MMP2: variants seen among roughly 807,000 people sequenced by gnomAD.
The protein encoded by MMP2 is 72 kDa type IV collagenase.
Under a neutral mutation model 74.8 loss-of-function variants are expected in MMP2, and 39 were observed. The observed-to-expected ratio is 0.52, with a 90% confidence interval of 0.40 to 0.68. The LOEUF (loss-of-function observed/expected upper bound fraction) is 0.68. Ranked by LOEUF, MMP2 falls within the 30% of genes least tolerant of loss-of-function variation. MMP2 has a pLI of 0.00. For missense variants in MMP2, 803 were observed against 878.3 expected (o/e 0.91, Z 1.08); for synonymous variants, 367 against 339.8 (o/e 1.08, Z -0.88).
chr16:55,493,609 C>A (rs1962467865), intron 9 of MMP2, among the ~76,000 whole-genome samples: 1 of 152,194 alleles, frequency 6.6e-6, no homozygotes, highest in African/African-American at 2.4e-5. Flanking sequence ...GTGCAAGAGG[C>A]CAAACTGAAC....
chr16:55,483,973 A>G lies in MMP2; in HGVS notation c.381-43A>G, dbSNP rs373560200. Reference sequence around the variant, plus strand: ...CACATACTTGCATATACATACACTTATGCACATGCATACACACTCACATGC... The same window carrying G: ...CACATACTTGCATATACATACACTTGTGCACATGCATACACACTCACATGC... On this transcript the variant is annotated intron_variant, in intron 2 of 12. Coordinates refer to ENST00000219070, the MANE Select transcript of MMP2 (RefSeq NM_004530.6). 31 of 1,604,104 alleles carry G rather than the reference A, an allele frequency of 1.9e-5. No homozygotes were observed. The East Asian group carries it at 2.5e-4, about 13-fold the overall frequency.
At chr16:55,500,459 G>A (rs1567381943) in intron 11 of MMP2, among the ~76,000 whole-genome samples, 1 of 146,628 alleles carries the variant, frequency 6.8e-6, no homozygotes, top group Non-Finnish European at 1.5e-5. Flanking sequence ...CCTGTTCCTA[G>A]CATATAGGAA....
chr16:55,485,029 T>G (rs547550740), intron 3 of MMP2, among the ~76,000 whole-genome samples: 2 of 152,212 alleles, frequency 1.3e-5, no homozygotes, highest in Admixed American at 1.3e-4. Flanking sequence ...GTACATATAG[T>G]GTCATGGTGG....
At chr16:55,483,985 A>G in intron 2 of MMP2, 31 bp from the exon 3 acceptor site, 1 of 1,611,764 alleles carries the variant, frequency 6.2e-7, no homozygotes, top group Non-Finnish European at 8.5e-7. Flanking sequence ...GCACATGCAT[A>G]CACACTCACA....
chr16:55,488,380 G>A (rs1330445722), intron 5 of MMP2, 163 bp from the exon 6 acceptor site: 1 of 707,232 alleles, frequency 1.4e-6, no homozygotes, highest in African/African-American at 1.8e-5. Flanking sequence ...TTCTCTCTGG[G>A]AGCTCAGAGA....
At position 55,483,234 on chromosome 16, in the gene MMP2, C is replaced by T. The variant is rs956001948; in HGVS notation, c.380+99C>T. ...TCCACTCAGGGGATCCATGAGGTGT[C>T]TTTTGTGAAGGCTTGACATCTTAGG... On this transcript the variant is annotated intron_variant, in intron 2 of 12. Transcript: ENST00000219070. The T allele has an allele frequency of 3.2e-6, 3 of 934,526 alleles. No homozygotes were observed. In the Admixed American group the frequency reaches 7.4e-5, roughly 23 times the overall value. 57.9% of individuals were successfully genotyped at this position (934,526 alleles called of 1,614,324 possible). A position where few individuals can be genotyped will look rare whatever the true frequency, so the allele number is the denominator to read the frequency against.
At chr16:55,482,295 A>G (rs1962124327) in intron 1 of MMP2, among the ~76,000 whole-genome samples, 1 of 152,222 alleles carries the variant, frequency 6.6e-6, no homozygotes. Flanking sequence ...TTCTTTTTGC[A>G]AATGGCTGAT....
At chr16:55,492,040 C>A (rs1555492423) in intron 8 of MMP2, 84 bp downstream of exon 8, 4 of 1,350,630 alleles carry the variant, frequency 3.0e-6, no homozygotes, top group Non-Finnish European at 4.1e-6. Flanking sequence ...GGGGGTGGGA[C>A]CAGCAAGATC....
In MMP2 at chr16:55,488,688, C is replaced by A. The variant is rs757154097; in HGVS notation, c.978C>A (p.Asp326Glu). The A allele has an allele frequency of 1.2e-6, 2 of 1,610,092 alleles. No individual in the cohort carries two copies. Among genetic ancestry groups the A allele is most frequent in the Non-Finnish European group, 1.7e-6 (2 of 1,178,472 alleles). Reference sequence around the variant, plus strand: ...GCACCACTGAGGACTACGACCGCGACAAGAAGTATGGCTTCTGCCCTGAGA... The same window carrying A: ...GCACCACTGAGGACTACGACCGCGAAAAGAAGTATGGCTTCTGCCCTGAGA... ...WCGTTEDYDR[D>E]KKYGFCPETA... The change falls in exon 6 of 13, where the codon GAC becomes GAA. Residue 326 changes from aspartate to glutamate, a missense_variant. Around this residue, in one of 3 missense-constraint regions of MMP2, gnomAD observed 555 missense variants for 592.0 expected, o/e 0.94. Transcript: ENST00000219070.
At chr16:55,501,892 T>C (rs17859995) in intron 11 of MMP2, among the ~76,000 whole-genome samples, 2,882 of 152,158 alleles carry the variant, frequency 0.019, 84 homozygotes, top group African/African-American at 0.062. Context: ...GCTCCCATAG[T>C]GGGAGCTCAG....
Position 55,498,365 on chromosome 16 carries a change from C to T in MMP2, c.1686C>T (p.Pro562=), listed in dbSNP as rs1165238699. The change falls in exon 11 of 13, where the codon CCC becomes CCT. Residue 562 remains proline, a synonymous_variant. Transcript: ENST00000219070. The part of the protein sequence containing the change: ...YPKPLTSLGL[P]PDVQRVDAAF... ...AGCCACTGACCAGCCTGGGACTGCC[C>T]CCTGATGTCCAGCGAGTGGATGCCG... The T allele has an allele frequency of 6.2e-7, 1 of 1,614,210 alleles. No individual in the cohort carries two copies. Among genetic ancestry groups the T allele is most frequent in the Non-Finnish European group, 8.5e-7 (1 of 1,180,048 alleles).
Position 55,505,692 on chromosome 16 carries a change from C to T in MMP2, c.*250C>T, listed in dbSNP as rs776083935. The T allele has an allele frequency of 1.7e-4, 96 of 570,628 alleles. No homozygotes were observed. The highest frequency in any genetic ancestry group is 2.5e-4 in the Non-Finnish European group (80 of 318,076). The allele number at this position is 570,628 out of a possible 1,614,324, so 35.3% of individuals were successfully genotyped here. A position where few individuals can be genotyped will look rare whatever the true frequency, so the allele number is the denominator to read the frequency against. ...ATCCCACCAACCCTCAGAGCCACCCCTAAAGAGATACTTTGATATTTTCAA... is the reference window on the plus strand; with the variant it reads ...ATCCCACCAACCCTCAGAGCCACCCTTAAAGAGATACTTTGATATTTTCAA... On this transcript the variant is annotated 3_prime_UTR_variant, in exon 13 of 13. Transcript: ENST00000219070.
intron 10 of MMP2, 119 bp from the exon 11 acceptor site, chr16:55,498,170 G>A (rs1445724394): frequency 3.8e-6 from 5 of 1,306,740 alleles, no homozygotes; most frequent in Admixed American, 1.7e-5. Context: ...GAGTGAGCAG[G>A]AAGTTGCACT....
chr16:55,486,329 GTGTGTGTGTGTGTGTGCC>G (rs1413835047), intron 5 of MMP2, among the ~76,000 whole-genome samples: 8 of 135,450 alleles, frequency 5.9e-5, no homozygotes, highest in Admixed American at 2.2e-4. Flanking sequence ...ATGCGTGTGT[GTGTGTGTGTGTGTGTGCC>G]TGTGTGTGTG....
chr16:55,491,511 G>C (rs1356225653), intron 7 of MMP2, among the ~76,000 whole-genome samples: 2 of 152,142 alleles, frequency 1.3e-5, no homozygotes, highest in Non-Finnish European at 2.9e-5. Flanking sequence ...AAAATTCGCA[G>C]ATACTACTTG....
Position 55,497,069 on chromosome 16 carries a change from G to A in MMP2, c.1609+7G>A. On this transcript the variant is annotated splice_region_variant and intron_variant, in intron 10 of 12. Transcript: ENST00000219070. Reference sequence around the variant, plus strand: ...AAGGCTGTGTTCTTTGCAGGTGTGTGGGAAGCACCCTTCCTTGGCCCTCAG... The same window carrying A: ...AAGGCTGTGTTCTTTGCAGGTGTGTAGGAAGCACCCTTCCTTGGCCCTCAG... 1 of 1,614,012 alleles carries A rather than the reference G, an allele frequency of 6.2e-7. No homozygotes were observed. Among genetic ancestry groups the A allele is most frequent in the East Asian group, 2.2e-5 (1 of 44,884 alleles).
At chr16:55,493,338 C>T in intron 9 of MMP2, 45 bp downstream of exon 9, 1 of 1,612,672 alleles carries the variant, frequency 6.2e-7, no homozygotes, top group Non-Finnish European at 8.5e-7. Flanking sequence ...CTCCTGTCCT[C>T]TGCTCTTATA....
Position 55,483,055 on chromosome 16 carries a change from A to G in MMP2, c.300A>G (p.Pro100=), listed in dbSNP as rs1303279773. Residue 100 remains proline, a synonymous_variant, in exon 2 of 13, where the codon CCA becomes CCG. Transcript: ENST00000219070. ...DQNTIETMRK[P]RCGNPDVANY... The stretch of plus-strand genomic sequence containing the variant: ...ATACCATCGAGACCATGCGGAAGCC[A>G]CGCTGCGGCAACCCAGATGTGGCCA... 3.1e-6 allele frequency: 5 copies of G among 1,614,160 alleles called. No homozygotes were observed. The highest frequency in any genetic ancestry group is 4.2e-6 in the Non-Finnish European group (5 of 1,180,042).
Position 55,482,954 on chromosome 16 carries a change from C to T in MMP2, c.199C>T (p.Leu67=), listed in dbSNP as rs1174993713. 1 of 1,614,214 alleles carries T rather than the reference C, an allele frequency of 6.2e-7. No homozygotes were observed. Among genetic ancestry groups the T allele is most frequent in the East Asian group, 2.2e-5 (1 of 44,886 alleles). The change falls in exon 2 of 13, where the codon CTG becomes TTG. Residue 67 remains leucine, a synonymous_variant. Transcript: ENST00000219070. ...TGGCTGCCCCAAGGAGAGCTGCAACCTGTTTGTGCTGAAGGACACACTAAA... is the reference window on the plus strand; with the variant it reads ...TGGCTGCCCCAAGGAGAGCTGCAACTTGTTTGTGCTGAAGGACACACTAAA... ...FYGCPKESCN[L]FVLKDTLKKM...
Sources: gnomAD v4.1 joint callset for allele counts (sites outside exome capture counted in the v4.1 genomes callset) on GRCh38, gnomAD v4.1.1 for gene constraint, gnomAD v4.1.1 regional missense constraint, MANE v1.5 for transcripts, NCBI Gene and HGNC (gene_info 2026-07-23, HGNC 2026-07-21) for gene names.